Variants in TMEM74 observed in about 807,000 individuals in gnomAD.
TMEM74 encodes transmembrane protein 74.
In TMEM74, 13 loss-of-function variants were observed where a neutral mutation model predicts 18.1. The observed-to-expected ratio is 0.72, with a 90% CI of 0.47 to 1.14. TMEM74 has a LOEUF of 1.14. Among genes scored for constraint, TMEM74 ranks in the 50% most tolerant of loss-of-function variants. The probability of loss-of-function intolerance (pLI) is 0.00; values close to 1 mark genes in which losing one functional copy is unlikely to be tolerated. For synonymous variants in TMEM74, 159 were observed against 146.6 expected, an observed-to-expected ratio of 1.08 and a Z score of -0.61; for missense variants, 372 against 375.9, an observed-to-expected ratio of 0.99 and a Z score of 0.09.
At chr8:108,666,406 G>A (rs1418798346) in intron 1 of TMEM74, among the ~76,000 whole-genome samples, 1 of 152,166 alleles carries the variant, frequency 6.6e-6, no homozygotes, top group African/African-American at 2.4e-5. Flanking sequence ...TCAAGGACAA[G>A]AACTGGTAAT....
chr8:108,756,599 A>AAAGAGAAAGG (rs1586286218), intron 1 of TMEM74, among the ~76,000 whole-genome samples: 46 of 51,522 alleles, frequency 8.9e-4, no homozygotes, highest in East Asian at 3.0e-3. Flanking sequence ...AAAGAAAGAG[A>AAAGAGAAAGG]AAGGAAGGAA....
chr8:108,672,234 C>T (rs1402042033), intron 1 of TMEM74, among the ~76,000 whole-genome samples: 1 of 152,020 alleles, frequency 6.6e-6, no homozygotes, highest in Non-Finnish European at 1.5e-5. Flanking sequence ...AAGAGTGAAC[C>T]CATTTTTATG....
rs1814354632 is a variant in TMEM74 at position 108,784,644 on chromosome 8, G to A, written c.455C>T (p.Ala152Val). 1 of 1,614,074 alleles carries A rather than the reference G, an allele frequency of 6.2e-7. No homozygotes were observed. Among genetic ancestry groups the A allele is most frequent in the African/African-American group, 1.3e-5 (1 of 74,916 alleles). The part of the protein sequence containing the change: ...ENPNEWSQEA[A>V]ISLISEEEDD... ...CTCCTCTTCAGATATCAAAGATATG[G>A]CAGCCTCTTGGGACCACTCATTTGG... The change falls in exon 2 of 2, where the codon GCC becomes GTC. Residue 152 changes from alanine (A) to valine (V), a missense_variant. Physicochemically the swap from Ala to Val is moderately conservative, Grantham distance 64. Coordinates refer to ENST00000297459, the MANE Select transcript of TMEM74 (RefSeq NM_153015.3).
At chr8:108,635,681 A>C (rs1443332926) in intron 2 of TMEM74, among the ~76,000 whole-genome samples, 1 of 152,056 alleles carries the variant, frequency 6.6e-6, no homozygotes, top group Non-Finnish European at 1.5e-5. Flanking sequence ...TCTATTCATT[A>C]AAACCAAAAA....
intron 1 of TMEM74, among the ~76,000 whole-genome samples, chr8:108,659,672 A>C (rs1482284673): frequency 6.6e-6 from 1 of 152,154 alleles, no homozygotes; most frequent in African/African-American, 2.4e-5. Flanking sequence ...TTTCAGTCTT[A>C]ATATGTCCAA....
chr8:108,742,954 T>C (rs1175796082), intron 1 of TMEM74, among the ~76,000 whole-genome samples: 1 of 152,242 alleles, frequency 6.6e-6, no homozygotes, highest in African/African-American at 2.4e-5. Flanking sequence ...TCAATAGAGA[T>C]GTTGTAACTG....
chr8:108,740,157 T>G (rs1813786342), intron 1 of TMEM74, among the ~76,000 whole-genome samples: 1 of 152,104 alleles, frequency 6.6e-6, no homozygotes, highest in African/African-American at 2.4e-5. Flanking sequence ...CTAGACACAT[T>G]CCAGAGGACA....
At chr8:108,719,439 A>G (rs1813564400) in intron 1 of TMEM74, among the ~76,000 whole-genome samples, 1 of 152,022 alleles carries the variant, frequency 6.6e-6, no homozygotes, top group Non-Finnish European at 1.5e-5. Flanking sequence ...ATTTATTTCA[A>G]TTTTAGAGAG....
chr8:108,614,428 G>C (rs1189275283), intron 2 of TMEM74, among the ~76,000 whole-genome samples: 1 of 152,086 alleles, frequency 6.6e-6, no homozygotes, highest in East Asian at 1.9e-4. Flanking sequence ...ATAGTGGTGA[G>C]AGGCTAAAAG....
chr8:108,629,913 G>C (rs924977532), intron 2 of TMEM74, among the ~76,000 whole-genome samples: 1 of 151,936 alleles, frequency 6.6e-6, no homozygotes, highest in African/African-American at 2.4e-5. Flanking sequence ...ACACTATGAA[G>C]AAACTGCTTC....
chr8:108,643,349 A>G (rs944151703), intron 2 of TMEM74, among the ~76,000 whole-genome samples: 14 of 152,218 alleles, frequency 9.2e-5, no homozygotes, highest in Non-Finnish European at 2.1e-4. Context: ...CCATTGACTT[A>G]GACTAAAGGA....
At chr8:108,650,764 G>A (rs1812765943) in intron 2 of TMEM74, among the ~76,000 whole-genome samples, 1 of 152,020 alleles carries the variant, frequency 6.6e-6, no homozygotes, top group Admixed American at 6.6e-5. Context: ...AGGCTGGAGT[G>A]CAATGGCATG....
At chr8:108,761,116 A>C (rs556065571) in intron 1 of TMEM74, among the ~76,000 whole-genome samples, 1 of 152,040 alleles carries the variant, frequency 6.6e-6, no homozygotes, top group Non-Finnish European at 1.5e-5. Context: ...TCGTTCCTCC[A>C]TCAATCCACT....
chr8:108,620,019 A>G (rs1316326880), intron 2 of TMEM74, among the ~76,000 whole-genome samples: 1 of 151,744 alleles, frequency 6.6e-6, no homozygotes, highest in African/African-American at 2.4e-5. Context: ...CTCTTGCATT[A>G]GTTTGTTGGA....
At chr8:108,643,549 G>T (rs1812686597) in intron 2 of TMEM74, among the ~76,000 whole-genome samples, 1 of 151,708 alleles carries the variant, frequency 6.6e-6, no homozygotes, top group Non-Finnish European at 1.5e-5. Context: ...TTTGAACTAA[G>T]GGGCCTTTTG....
At chr8:108,612,947 T>C (rs1252591541) in intron 2 of TMEM74, among the ~76,000 whole-genome samples, 1 of 152,190 alleles carries the variant, frequency 6.6e-6, no homozygotes, top group African/African-American at 2.4e-5. Flanking sequence ...GGTTTTCTAG[T>C]AGCAATCTCA....
intron 2 of TMEM74, among the ~76,000 whole-genome samples, chr8:108,624,775 T>C (rs1372382164): frequency 6.6e-6 from 1 of 152,062 alleles, no homozygotes; most frequent in Admixed American, 6.6e-5. Flanking sequence ...GATAAAGGTA[T>C]GTAAACCTTT....
intron 1 of TMEM74, among the ~76,000 whole-genome samples, chr8:108,771,330 A>G (rs1007511017): frequency 6.6e-6 from 1 of 152,222 alleles, no homozygotes; most frequent in African/African-American, 2.4e-5. Flanking sequence ...AAATGAGTTA[A>G]TATTTGTAAA....
chr8:108,659,200 G>A (rs1311165619), intron 1 of TMEM74, among the ~76,000 whole-genome samples: 2 of 151,918 alleles, frequency 1.3e-5, no homozygotes, highest in Non-Finnish European at 2.9e-5. Context: ...AGATAGAGAT[G>A]CTGAGGTAAG....
Sources: gnomAD v4.1 joint callset for allele counts (sites outside exome capture counted in the v4.1 genomes callset) on GRCh38, gnomAD v4.1.1 for gene constraint, MANE v1.5 for transcripts, NCBI Gene and HGNC (gene_info 2026-07-23, HGNC 2026-07-21) for gene names.